The following MAP4K1 variants were observed in gnomAD, a reference collection of about 807,000 sequenced individuals.
MAP4K1 encodes mitogen-activated protein kinase kinase kinase kinase 1.
In MAP4K1, 35 loss-of-function variants were observed where a neutral mutation model predicts 122.8. The observed-to-expected ratio is 0.29, with a 90% CI of 0.22 to 0.38. The LOEUF (loss-of-function observed/expected upper bound fraction) is 0.38. Ranked by LOEUF, MAP4K1 falls within the 10% of genes least tolerant of loss-of-function variation. The pLI, the probability that MAP4K1 is intolerant of heterozygous loss-of-function variation, is 1.00. For missense variants in MAP4K1, 791 were observed against 1,072.6 expected (o/e 0.74, Z 3.67); for synonymous variants, 412 against 421.3 (o/e 0.98, Z 0.27).
rs548561651 is a variant in MAP4K1, at chr19:38,602,499, TATATACAC to T, written c.1447-982_1447-975del. The stretch of plus-strand genomic sequence containing the variant: ...ATATACACACATATACATATATACA[TATATACAC>T]GTGTACATATATACGCATATACATA... On this transcript the variant is annotated intron_variant, in intron 19 of 30. Transcript: ENST00000396857. 7.4e-5 allele frequency among the ~76,000 whole-genome samples: 11 copies of T among 147,992 alleles called. No homozygotes were observed. The South Asian group carries it at 2.3e-3, about 31-fold the overall frequency.
intron 29 of MAP4K1, among the ~76,000 whole-genome samples, chr19:38,593,633 C>T (rs117757202): frequency 0.018 from 2,702 of 152,342 alleles, 44 homozygotes; most frequent in Non-Finnish European, 0.031. Flanking sequence ...ACCCGGGAGG[C>T]AGAAATTGCA....
In MAP4K1 at chr19:38,614,105, T is replaced by G; in HGVS notation, c.418-20A>C. ...AGCTCCCTGGGAATGAGAGGGGATA[T>G]GGGAGGCTGCAGAGACTCTCCCCAG... is the stretch of plus-strand genomic sequence containing the variant. On this transcript the variant is annotated intron_variant, in intron 6 of 30. Coordinates refer to ENST00000396857, the MANE Select transcript of MAP4K1 (RefSeq NM_001042600.3). The G allele has an allele frequency of 6.2e-7, 1 of 1,612,986 alleles. No homozygotes were observed. Among genetic ancestry groups the G allele is most frequent in the Non-Finnish European group, 8.5e-7 (1 of 1,179,852 alleles).
chr19:38,616,345 C>G, intron 3 of MAP4K1, 86 bp from the exon 4 acceptor site: 2 of 1,030,138 alleles, frequency 1.9e-6, no homozygotes. Flanking sequence ...CTGTCTTGTT[C>G]TAGTTCAATA....
chr19:38,601,359 G>C (rs1315738689), intron 20 of MAP4K1, 82 bp downstream of exon 20: 1 of 1,291,030 alleles, frequency 7.7e-7, no homozygotes, highest in Non-Finnish European at 1.1e-6. Context: ...CCCTGCCTTT[G>C]TGCCTTCCTT....
Position 38,603,061 on chromosome 19 carries a change from TATACAC to T in MAP4K1, c.1447-1542_1447-1537del, listed in dbSNP as rs1479262040. Among the ~76,000 whole-genome samples the T allele has an allele frequency of 5.6e-4, 76 of 135,188 alleles. 2 individuals are homozygous for T. The highest frequency in any genetic ancestry group is 1.9e-3 in the African/African-American group (64 of 33,456). 88.7% of individuals were successfully genotyped at this position (135,188 alleles called of 152,430 possible). On this transcript the variant is annotated intron_variant, in intron 19 of 30. Transcript: ENST00000396857. ...ACATGTACATATATACGCATATACATATACACATATACATATATACACATGTACATA... is the reference window on the plus strand; with the variant it reads ...ACATGTACATATATACGCATATACATATATACATATATACACATGTACATA...
intron 19 of MAP4K1, among the ~76,000 whole-genome samples, chr19:38,602,573 CAT>C (rs200336302): frequency 0.055 from 8,035 of 145,174 alleles, 283 homozygotes; most frequent in Non-Finnish European, 0.083. Context: ...TACATATATA[CAT>C]ATATATACAC....
At chr19:38,600,571 A>T (rs1457311589) in intron 20 of MAP4K1, among the ~76,000 whole-genome samples, 1 of 151,956 alleles carries the variant, frequency 6.6e-6, no homozygotes, top group African/African-American at 2.4e-5. Flanking sequence ...TTCCTTTAAC[A>T]CTGACCTTGT....
chr19:38,609,189 C>T lies in MAP4K1; in HGVS notation c.1006+407G>A, dbSNP rs545792998. Among the ~76,000 whole-genome samples, 280 of 152,216 alleles carry T rather than the reference C, an allele frequency of 1.8e-3. 1 individual carries two copies. Among genetic ancestry groups the T allele is most frequent in the Non-Finnish European group, 3.4e-3 (229 of 68,024 alleles). On this transcript the variant is annotated intron_variant, in intron 13 of 30. Transcript: ENST00000396857. ...CGCTCTTGTCACCTGGACTGGAGTG[C>T]AGTGGCGCAATCTTGGTTCACTGCA...
rs539434212 is a variant in MAP4K1, at chr19:38,597,856, G to A, written c.1670-262C>T. 2.6e-5 allele frequency among the ~76,000 whole-genome samples: 4 copies of A among 152,132 alleles called. No individual in the cohort carries two copies. The highest frequency in any genetic ancestry group is 4.4e-5 in the Non-Finnish European group (3 of 68,002). Reference sequence around the variant, plus strand: ...CCCTACCCTCGTGGTATTTGTAGCCGTATCAGAAACTCTGGACACATAACC... The same window carrying A: ...CCCTACCCTCGTGGTATTTGTAGCCATATCAGAAACTCTGGACACATAACC... On this transcript the variant is annotated intron_variant, in intron 22 of 30. Transcript: ENST00000396857. This position sits in a 1 kb window ranked among gnomAD's most constrained non-coding sequence, Gnocchi z 4.6.
rs964281891 is a variant in MAP4K1, at chr19:38,617,176, C to T, written c.248+178G>A. Among the ~76,000 whole-genome samples the T allele has an allele frequency of 6.6e-6, 1 of 151,774 alleles. No homozygotes were observed. The highest frequency in any genetic ancestry group is 2.4e-5 in the African/African-American group (1 of 41,302). On this transcript the variant is annotated intron_variant, in intron 3 of 30. Coordinates refer to ENST00000396857, the MANE Select transcript of MAP4K1 (RefSeq NM_001042600.3). This position sits in a 1 kb window ranked among gnomAD's most constrained non-coding sequence, Gnocchi z 4.1. Reference sequence around the variant, plus strand: ...CAGAGAATTGCTTGAACCCAGGAGGCAGAGGTTGCAGTGAGCTGAGATCAT... The same window carrying T: ...CAGAGAATTGCTTGAACCCAGGAGGTAGAGGTTGCAGTGAGCTGAGATCAT...
chr19:38,602,927 TATACATATATACAC>T (rs1475530388), intron 19 of MAP4K1, among the ~76,000 whole-genome samples: 3 of 147,942 alleles, frequency 2.0e-5, no homozygotes, highest in Non-Finnish European at 3.0e-5. Context: ...CATATACGCA[TATACATATATACAC>T]ATACATATAT....
intron 21 of MAP4K1, 32 bp downstream of exon 21, chr19:38,600,039 GGCCCTT>G (rs1568627732): frequency 6.2e-7 from 1 of 1,614,044 alleles, no homozygotes; most frequent in South Asian, 1.1e-5. Context: ...CCCCGACTCC[GGCCCTT>G]GCCCTTGCCC....
Position 38,596,377 on chromosome 19 carries a change from T to C in MAP4K1, c.2051A>G (p.Lys684Arg). 2 of 1,600,002 alleles carry C rather than the reference T, an allele frequency of 1.3e-6. No individual in the cohort carries two copies. The highest frequency in any genetic ancestry group is 2.2e-5 in the South Asian group (2 of 89,396). ...CIGVSPGRPG[K>R]SVLFHTVRFG... ...GCGCACCGTGTGGAAGAGCACCGAC[T>C]TCCCCGGCCGCCCGGGGCTCACGCC... The change falls in exon 26 of 31, where the codon AAG becomes AGG. Residue 684 changes from lysine (K) to arginine (R), a missense_variant. This residue lies in a region of MAP4K1 where 267 missense variants were observed against 323.0 expected (regional missense o/e 0.83). Coordinates refer to ENST00000396857, the MANE Select transcript of MAP4K1 (RefSeq NM_001042600.3).
chr19:38,605,171 T>C (rs1322542807), intron 19 of MAP4K1, among the ~76,000 whole-genome samples: 1 of 151,932 alleles, frequency 6.6e-6, no homozygotes, highest in Non-Finnish European at 1.5e-5. Flanking sequence ...GGTAAGCCAC[T>C]TACCCTCTCT....
At position 38,617,544 on chromosome 19, in the gene MAP4K1, A is replaced by G; in HGVS notation, c.157+24T>C. 1 of 1,608,296 alleles carries G rather than the reference A, an allele frequency of 6.2e-7. No homozygotes were observed. The highest frequency in any genetic ancestry group is 1.3e-5 in the African/African-American group (1 of 74,888). ...GGAGGCGAAGGTGGGGATGTGGGGA[A>G]GGAGCTCCATGTTCCCTCCTCACCA... is the stretch of plus-strand genomic sequence containing the variant. On this transcript the variant is annotated intron_variant, in intron 2 of 30. Transcript: ENST00000396857. The surrounding 1 kb of genome is among the most constrained non-coding windows in gnomAD (Gnocchi z 4.1).
At chr19:38,614,316 G>T in intron 5 of MAP4K1, 24 bp from the exon 6 acceptor site, 1 of 1,614,188 alleles carries the variant, frequency 6.2e-7, no homozygotes, top group Non-Finnish European at 8.5e-7. Flanking sequence ...TGGACAAGGG[G>T]ACAGTGAGTG....
intron 19 of MAP4K1, among the ~76,000 whole-genome samples, chr19:38,603,084 A>ACG (rs1491375151): frequency 2.4e-5 from 3 of 125,276 alleles, no homozygotes; most frequent in Admixed American, 1.7e-4. Flanking sequence ...ATATATACAC[A>ACG]TGTACATATA....
intron 12 of MAP4K1, 101 bp from the exon 13 acceptor site, chr19:38,609,775 G>T: frequency 7.5e-7 from 1 of 1,327,022 alleles, no homozygotes; most frequent in Non-Finnish European, 1.1e-6. Context: ...TGGGCACACA[G>T]CCTTTTACCA....
chr19:38,610,170 G>A, intron 11 of MAP4K1, 145 bp from the exon 12 acceptor site: 1 of 603,484 alleles, frequency 1.7e-6, no homozygotes. Context: ...GCAGAGGGCG[G>A]GGAAATCCAG....
Sources: allele counts gnomAD v4.1 joint callset (sites outside exome capture counted in the v4.1 genomes callset), GRCh38; gene constraint gnomAD v4.1.1; regional missense constraint gnomAD v4.1.1; non-coding constraint Gnocchi (gnomAD v3.1); transcripts MANE v1.5; gene names NCBI Gene and HGNC (gene_info 2026-07-23, HGNC 2026-07-21).